The following ARHGAP32 variants were observed in gnomAD, a reference collection of about 807,000 sequenced individuals.
ARHGAP32 encodes the protein Rho GTPase activating protein 32.
In ARHGAP32, 51 loss-of-function variants were observed where a neutral mutation model predicts 186.5. The ratio of observed to expected loss-of-function variants is 0.27; its 90% CI spans 0.22 to 0.35. The LOEUF is 0.35. Among genes scored for constraint, ARHGAP32 ranks in the 10% least tolerant of loss-of-function variants. ARHGAP32 has a pLI of 1.00. For missense variants in ARHGAP32, 2,186 were observed against 2,623.5 expected, an observed-to-expected ratio of 0.83 and a Z score of 3.64; for synonymous variants, 950 against 964.3, an observed-to-expected ratio of 0.99 and a Z score of 0.27.
chr11:129,224,187 C>A (rs1591705212), intron 1 of ARHGAP32, among the ~76,000 whole-genome samples: 10 of 152,190 alleles, frequency 6.6e-5, no homozygotes. Context: ...CACATTCTGT[C>A]ATGGTTGCAG....
In ARHGAP32 at chr11:129,192,174, T is replaced by TA. The variant is rs1483380624; in HGVS notation, c.24_25insT (p.Thr9TyrfsTer5). 3.7e-6 allele frequency: 6 copies of TA among 1,613,636 alleles called. No homozygotes were observed. Among genetic ancestry groups the TA allele is most frequent in the Non-Finnish European group, 5.1e-6 (6 of 1,179,716 alleles). ...CAGAAGACACTGTCATCCCCTAAAG[T>TA]GCTACTCTCACTTTCAGTCTCCATC... On this transcript the variant is annotated frameshift_variant, in exon 1 of 23. Coordinates refer to ENST00000682385, the MANE Select transcript of ARHGAP32 (RefSeq NM_001378024.1). LOFTEE classifies it high-confidence loss of function.
At chr11:129,075,939 G>C (rs760638346) in intron 6 of ARHGAP32, among the ~76,000 whole-genome samples, 1 of 152,034 alleles carries the variant, frequency 6.6e-6, no homozygotes, top group African/African-American at 2.4e-5. Flanking sequence ...GAGACAGGTC[G>C]GTACAAAATA....
In ARHGAP32 at chr11:128,998,433, G is replaced by A. The variant is rs765097732; in HGVS notation, c.1081C>T (p.Arg361Ter). ...GTTGGACGAGACTTCATGAATGTTC[G>A]TAAGAACGTAATGAGCTTGCCGTGC... Reference protein sequence around the residue: ...KKHGKLITFLRTFMKSRPTKQ... With the variant: ...KKHGKLITFL Residue 361 changes from arginine (R) to a stop codon, truncating the protein, a stop_gained, in exon 12 of 23, where the codon CGA becomes TGA. Coordinates refer to ENST00000682385, the MANE Select transcript of ARHGAP32 (RefSeq NM_001378024.1). LOFTEE classifies it high-confidence loss of function. 1.9e-6 allele frequency: 3 copies of A among 1,588,792 alleles called. No homozygotes were observed. The highest frequency in any genetic ancestry group is 1.3e-5 in the African/African-American group (1 of 74,672).
intron 5 of ARHGAP32, among the ~76,000 whole-genome samples, chr11:129,115,576 G>A (rs761937971): frequency 3.3e-5 from 5 of 152,050 alleles, no homozygotes; most frequent in South Asian, 2.1e-4. Context: ...CAAATAACAC[G>A]ACAGCAGAAT....
At chr11:128,978,701 A>T in intron 19 of ARHGAP32, 69 bp downstream of exon 19, 12 of 1,487,786 alleles carry the variant, frequency 8.1e-6, no homozygotes, top group African/African-American at 1.4e-5. Context: ...ACAATATGTG[A>T]AGAACGTGCC....
chr11:129,267,628 T>C (rs141235034), intron 1 of ARHGAP32, among the ~76,000 whole-genome samples: 1 of 152,246 alleles, frequency 6.6e-6, no homozygotes, highest in East Asian at 1.9e-4. Context: ...AAATCAGCAA[T>C]GGAACATTTT....
At chr11:129,155,517 C>T (rs558197710) in intron 2 of ARHGAP32, among the ~76,000 whole-genome samples, 161 of 152,212 alleles carry the variant, frequency 1.1e-3, no homozygotes, top group Non-Finnish European at 1.8e-3. Context: ...GAAAGTAACA[C>T]TCTGAAAAAT....
At chr11:129,189,921 C>A (rs1027237983) in intron 1 of ARHGAP32, among the ~76,000 whole-genome samples, 1 of 152,058 alleles carries the variant, frequency 6.6e-6, no homozygotes, top group Non-Finnish European at 1.5e-5. Flanking sequence ...TTAAGTTACA[C>A]AAGAGCAGGC....
intron 10 of ARHGAP32, among the ~76,000 whole-genome samples, chr11:129,049,891 C>T (rs950976079): frequency 1.3e-5 from 2 of 152,004 alleles, no homozygotes; most frequent in Non-Finnish European, 2.9e-5. Flanking sequence ...ACAGTTAGAT[C>T]GTGTGGTAAG....
chr11:129,186,241 A>C (rs1944158718), intron 1 of ARHGAP32, among the ~76,000 whole-genome samples: 1 of 152,132 alleles, frequency 6.6e-6, no homozygotes. Context: ...TCGTTTGTGT[A>C]CTCTAGGGCC....
At chr11:129,200,438 A>C (rs1243495471) in intron 1 of ARHGAP32, among the ~76,000 whole-genome samples, 4 of 152,192 alleles carry the variant, frequency 2.6e-5, no homozygotes, top group Non-Finnish European at 4.4e-5. Flanking sequence ...GGTAGTAAGT[A>C]AGTCTCAAAA....
intron 10 of ARHGAP32, among the ~76,000 whole-genome samples, chr11:129,046,159 C>T (rs1288657938): frequency 2.0e-5 from 3 of 151,974 alleles, no homozygotes; most frequent in African/African-American, 7.3e-5. Context: ...CTTGATACAA[C>T]TGAACACAAA....
chr11:129,187,531 G>T (rs1393590566), intron 1 of ARHGAP32, among the ~76,000 whole-genome samples: 4 of 152,102 alleles, frequency 2.6e-5, no homozygotes, highest in African/African-American at 9.7e-5. Context: ...AGTATAATTG[G>T]ATTGTTTATA....
At chr11:129,091,655 C>T (rs1409936988) in intron 6 of ARHGAP32, among the ~76,000 whole-genome samples, 1 of 152,054 alleles carries the variant, frequency 6.6e-6, no homozygotes, top group Non-Finnish European at 1.5e-5. Flanking sequence ...AAACAGATTA[C>T]ATCAGTGTAT....
At chr11:129,254,724 A>G (rs1322607846) in intron 1 of ARHGAP32, among the ~76,000 whole-genome samples, 1 of 152,120 alleles carries the variant, frequency 6.6e-6, no homozygotes, top group African/African-American at 2.4e-5. Context: ...AGCTGGTCAT[A>G]ATGATAAAGG....
At chr11:129,237,604 G>A (rs567467026) in intron 1 of ARHGAP32, among the ~76,000 whole-genome samples, 5 of 152,262 alleles carry the variant, frequency 3.3e-5, no homozygotes, top group Middle Eastern at 3.4e-3. Context: ...AGTGCATTAC[G>A]TGGATCTAGG....
At position 129,276,601 on chromosome 11, in the gene ARHGAP32, C is replaced by G. The variant is rs368947454; in HGVS notation, c.-5+2545G>C. ...GATTAGAGGTGTAAGCCACCCTGCC[C>G]AGCCTTTATATGCATGTTTTTTAAA... On this transcript the variant is annotated intron_variant, in intron 1 of 6. Coordinates refer to the ARHGAP32 transcript ENST00000525234. Among the ~76,000 whole-genome samples, 9 of 152,328 alleles carry G rather than the reference C, an allele frequency of 5.9e-5. No individual in the cohort carries two copies. The East Asian group carries it at 1.2e-3, about 20-fold the overall frequency.
intron 1 of ARHGAP32, among the ~76,000 whole-genome samples, chr11:129,209,025 T>C (rs1944548480): frequency 6.6e-6 from 1 of 152,146 alleles, no homozygotes; most frequent in African/African-American, 2.4e-5. Flanking sequence ...AGAATGGTAA[T>C]TTAAACAGCA....
At chr11:129,025,967 A>T (rs573104594) in intron 11 of ARHGAP32, among the ~76,000 whole-genome samples, 2 of 151,444 alleles carry the variant, frequency 1.3e-5, no homozygotes, top group South Asian at 4.2e-4. Flanking sequence ...ATTACTTAAC[A>T]TATAAACATT....
Sources: gnomAD v4.1 joint callset for allele counts (sites outside exome capture counted in the v4.1 genomes callset) on GRCh38, gnomAD v4.1.1 for gene constraint, MANE v1.5 for transcripts, NCBI Gene and HGNC (gene_info 2026-07-23, HGNC 2026-07-21) for gene names.